The following CA10 variants were observed in gnomAD, a reference collection of about 807,000 sequenced individuals.
The protein encoded by CA10 is carbonic anhydrase 10 (inactive).
Under a neutral mutation model 44.2 loss-of-function variants are expected in CA10, and 14 were observed. That is an observed-to-expected ratio of 0.32 (90% CI 0.21 to 0.50). The LOEUF (loss-of-function observed/expected upper bound fraction) is 0.50, where lower values mean the gene tolerates loss of function less well. Ranked by LOEUF, CA10 falls within the 20% of genes least tolerant of loss-of-function variation. The probability of loss-of-function intolerance (pLI) is 0.99; values close to 1 mark genes in which losing one functional copy is unlikely to be tolerated. For synonymous variants in CA10, 159 were observed against 141.6 expected (o/e 1.12, Z -0.87); for missense variants, 350 against 409.7 (o/e 0.85, Z 1.26).
At chr17:51,726,693 A>G (rs1028287956) in intron 4 of CA10, among the ~76,000 whole-genome samples, 4 of 152,226 alleles carry the variant, frequency 2.6e-5, no homozygotes, top group Admixed American at 6.5e-5. Flanking sequence ...CCCCTTAACT[A>G]TACTGGTAGC....
At chr17:51,995,632 A>G (rs1291515309) in intron 2 of CA10, among the ~76,000 whole-genome samples, 1 of 152,128 alleles carries the variant, frequency 6.6e-6, no homozygotes, top group African/African-American at 2.4e-5. Context: ...AGAGAAAAGT[A>G]TAGCCAAGGT....
In CA10 at chr17:51,631,390, TTGTGAGTATG is replaced by T. The variant is rs1912565752; in HGVS notation, c.*184_*193del. 1 of 661,282 alleles carries T rather than the reference TTGTGAGTATG, an allele frequency of 1.5e-6. No individual in the cohort carries two copies. The highest frequency in any genetic ancestry group is 1.8e-5 in the South Asian group (1 of 55,812). 41.0% of individuals were successfully genotyped at this position (661,282 alleles called of 1,614,324 possible). On this transcript the variant is annotated 3_prime_UTR_variant, in exon 9 of 9. Transcript: ENST00000451037. The stretch of plus-strand genomic sequence containing the variant: ...TATGTGCAAGTGCTTGTGTGTGTGT[TTGTGAGTATG>T]TGTGAGAGATGTATTCCTCTGCCAT...
intron 2 of CA10, among the ~76,000 whole-genome samples, chr17:51,973,092 G>A (rs1445498228): frequency 1.3e-5 from 2 of 152,116 alleles, no homozygotes; most frequent in Non-Finnish European, 2.9e-5. Context: ...TTCAGTTCCT[G>A]ATATAACAGA....
At chr17:51,730,496 G>A (rs1396657515) in intron 4 of CA10, among the ~76,000 whole-genome samples, 1 of 152,146 alleles carries the variant, frequency 6.6e-6, no homozygotes, top group East Asian at 1.9e-4. Flanking sequence ...GAGGTTAAAG[G>A]AATTAACATG....
At chr17:51,657,448 A>G (rs563065965) in intron 4 of CA10, among the ~76,000 whole-genome samples, 24 of 152,176 alleles carry the variant, frequency 1.6e-4, no homozygotes, top group Non-Finnish European at 2.5e-4. Flanking sequence ...ATACCCACTA[A>G]CCACTCACAA....
chr17:51,688,724 AG>A (rs544112073), intron 4 of CA10, among the ~76,000 whole-genome samples: 205 of 152,326 alleles, frequency 1.3e-3, no homozygotes, highest in African/African-American at 4.7e-3. Flanking sequence ...TTCCAGACCT[AG>A]TACAAGTATT....
intron 3 of CA10, among the ~76,000 whole-genome samples, chr17:51,858,906 T>C (rs191118109): frequency 5.9e-5 from 9 of 152,122 alleles, no homozygotes; most frequent in Admixed American, 5.9e-4. Context: ...TATTAATCCC[T>C]ATGGGAGCAG....
intron 3 of CA10, among the ~76,000 whole-genome samples, chr17:51,788,398 C>T (rs765892798): frequency 1.3e-4 from 20 of 152,142 alleles, no homozygotes; most frequent in Non-Finnish European, 2.2e-4. Flanking sequence ...GGTCCAAGTG[C>T]TGAGGAAACA....
chr17:51,834,773 A>G (rs1052393575), intron 3 of CA10, among the ~76,000 whole-genome samples: 1 of 152,230 alleles, frequency 6.6e-6, no homozygotes, highest in African/African-American at 2.4e-5. Context: ...CAACTGCTAA[A>G]AGGTGCCAAT....
chr17:51,632,386 G>C (rs1310875637), intron 8 of CA10, among the ~76,000 whole-genome samples: 1 of 152,134 alleles, frequency 6.6e-6, no homozygotes, highest in Non-Finnish European at 1.5e-5. Context: ...GGAAGGGTGT[G>C]GAAAATATGT....
At chr17:51,718,452 G>A (rs940317863) in intron 4 of CA10, among the ~76,000 whole-genome samples, 2 of 152,118 alleles carry the variant, frequency 1.3e-5, no homozygotes, top group Non-Finnish European at 2.9e-5. Flanking sequence ...GAGTTCTAGA[G>A]GTTCCTGGAA....
intron 3 of CA10, among the ~76,000 whole-genome samples, chr17:51,774,723 C>T (rs1444577583): frequency 2.6e-5 from 4 of 152,114 alleles, no homozygotes; most frequent in South Asian, 2.1e-4. Context: ...GGATTACAGG[C>T]GTGAGCTACT....
At chr17:52,055,081 C>T (rs1206901537) in intron 2 of CA10, among the ~76,000 whole-genome samples, 1 of 151,958 alleles carries the variant, frequency 6.6e-6, no homozygotes, top group African/African-American at 2.4e-5. Context: ...CATTTTTGAA[C>T]TTCAGGAATA....
chr17:51,806,397 A>C (rs948771168), intron 3 of CA10, among the ~76,000 whole-genome samples: 1 of 152,216 alleles, frequency 6.6e-6, no homozygotes, highest in Non-Finnish European at 1.5e-5. Context: ...TTAAACCAAC[A>C]ATTATATGCA....
chr17:51,966,007 A>T (rs1984065613), intron 2 of CA10, among the ~76,000 whole-genome samples: 1 of 151,998 alleles, frequency 6.6e-6, no homozygotes, highest in Non-Finnish European at 1.5e-5. Context: ...CTGACAAACA[A>T]CTTCAGTAAA....
chr17:52,018,304 G>A (rs1383522495), intron 2 of CA10, among the ~76,000 whole-genome samples: 1 of 152,100 alleles, frequency 6.6e-6, no homozygotes, highest in East Asian at 1.9e-4. Flanking sequence ...CCCTCAGTCT[G>A]AAAAAGCCAC....
chr17:51,789,595 C>T (rs1311759370), intron 3 of CA10, among the ~76,000 whole-genome samples: 1 of 152,112 alleles, frequency 6.6e-6, no homozygotes, highest in East Asian at 1.9e-4. Flanking sequence ...CATGATACTC[C>T]CTCAGTTTTG....
rs1232291150 is a variant in CA10, at chr17:52,095,455, G to A, written c.62-23062C>T. On this transcript the variant is annotated intron_variant, in intron 1 of 8. Coordinates refer to ENST00000451037, the MANE Select transcript of CA10 (RefSeq NM_020178.5). ...ATTCATCTGTACAATTAAGATTTGT[G>A]CATTTTATATGTTAATCTCAATTTA... 2.0e-5 allele frequency among the ~76,000 whole-genome samples: 3 copies of A among 152,002 alleles called. No homozygotes were observed. The East Asian group carries it at 5.8e-4, about 29-fold the overall frequency.
chr17:52,012,878 C>G (rs1281716243), intron 2 of CA10, among the ~76,000 whole-genome samples: 1 of 151,378 alleles, frequency 6.6e-6, no homozygotes, highest in Admixed American at 6.6e-5. Context: ...CATTTTTTTT[C>G]TGCTCAGGCT....
Sources: gnomAD v4.1 joint callset for allele counts (sites outside exome capture counted in the v4.1 genomes callset) on GRCh38, gnomAD v4.1.1 for gene constraint, MANE v1.5 for transcripts, NCBI Gene and HGNC (gene_info 2026-07-23, HGNC 2026-07-21) for gene names.